LMF1: variants seen among roughly 807,000 people sequenced by gnomAD.
LMF1 encodes the protein transmembrane protein 112.
In LMF1, 68 loss-of-function variants were observed where a neutral mutation model predicts 60.6. The ratio of observed to expected loss-of-function variants is 1.12; its 90% CI spans 0.92 to 1.37. The LOEUF (loss-of-function observed/expected upper bound fraction) is 1.37, where lower values mean the gene tolerates loss of function less well. Among genes scored for constraint, LMF1 ranks in the 40% most tolerant of loss-of-function variants. LMF1 has a pLI of 0.00. For synonymous variants in LMF1, 418 were observed against 324.7 expected (o/e 1.29, Z -3.09); for missense variants, 948 against 767.2 (o/e 1.24, Z -2.78).
chr16:925,300 C>T (rs910394938), intron 3 of LMF1, among the ~76,000 whole-genome samples: 1 of 152,238 alleles, frequency 6.6e-6, no homozygotes, highest in African/African-American at 2.4e-5. Flanking sequence ...CAACAAAACA[C>T]TTCTTCAGTA....
At chr16:950,542 CAGAGTCAGCCAAT>C (rs2072423651) in intron 2 of LMF1, among the ~76,000 whole-genome samples, 1 of 113,994 alleles carries the variant, frequency 8.8e-6, no homozygotes, top group African/African-American at 4.5e-5. Context: ...GAGCCAATGA[CAGAGTCAGCCAAT>C]GACAGAGTCA....
At chr16:873,073 G>C (rs376652917) in intron 6 of LMF1, 3 of 152,270 alleles carry the variant, frequency 2.0e-5, no homozygotes, top group African/African-American at 7.2e-5. Context: ...AGAAAGCTTC[G>C]GGGCTCGGGG....
rs763350006 is a variant in LMF1 at position 869,051 on chromosome 16, G to C, written c.1422C>G (p.Tyr474Ter). 6.2e-7 allele frequency: 1 copy of C among 1,609,110 alleles called. No homozygotes were observed. Among genetic ancestry groups the C allele is most frequent in the Non-Finnish European group, 8.5e-7 (1 of 1,176,422 alleles). The change falls in exon 10 of 11, where the codon TAC becomes TAG. Residue 474 changes from tyrosine to a stop codon, truncating the protein, a stop_gained. Coordinates refer to ENST00000262301, the MANE Select transcript of LMF1 (RefSeq NM_022773.4). LOFTEE classifies it high-confidence loss of function. The part of the protein sequence containing the change: ...WLMWFAAFQT[Y>*]EHNDWIIHLA... ...GGTGGATGATCCAGTCGTTGTGCTC[G>C]TAGGTCTGGGAGGAGAGGTCGGGCT... is the stretch of plus-strand genomic sequence containing the variant.
rs540596047 is a variant in LMF1, at chr16:959,738, C to T, written c.194-5072G>A. 1.7e-4 allele frequency among the ~76,000 whole-genome samples: 26 copies of T among 152,286 alleles called. No individual in the cohort carries two copies. In the South Asian group the frequency reaches 5.4e-3, roughly 32 times the overall value. ...CCCCCGGGCCTGGGTGGACAATTCT[C>T]GCACGTGCACCAGGGCTGAGCAGAT... On this transcript the variant is annotated intron_variant, in intron 1 of 10. Coordinates refer to ENST00000262301, the MANE Select transcript of LMF1 (RefSeq NM_022773.4).
intron 2 of LMF1, chr16:952,430 C>A (rs1196264577): frequency 6.6e-6 from 1 of 152,242 alleles, no homozygotes; most frequent in Non-Finnish European, 1.5e-5. Context: ...AACACCGGAG[C>A]CACAGGCGCT....
intron 3 of LMF1, among the ~76,000 whole-genome samples, chr16:915,321 G>C (rs2071250390): frequency 6.6e-6 from 1 of 152,196 alleles, no homozygotes; most frequent in Non-Finnish European, 1.5e-5. Flanking sequence ...ACCACAGGGT[G>C]GTGCGGAGAG....
At chr16:969,979 T>C (rs561941210) in intron 1 of LMF1, among the ~76,000 whole-genome samples, 1 of 152,312 alleles carries the variant, frequency 6.6e-6, no homozygotes, top group African/African-American at 2.4e-5. Context: ...TTCTCAGAGC[T>C]CTGCTCTGTA....
At chr16:911,454 A>G (rs941943402) in intron 3 of LMF1, among the ~76,000 whole-genome samples, 2 of 151,382 alleles carry the variant, frequency 1.3e-5, no homozygotes, top group African/African-American at 4.9e-5. Flanking sequence ...TTCCCCTCCC[A>G]TAGGTTTGCA....
At chr16:968,359 G>A (rs983334026) in intron 1 of LMF1, 18 of 152,208 alleles carry the variant, frequency 1.2e-4, no homozygotes, top group African/African-American at 3.9e-4. Flanking sequence ...TTTTAACAAG[G>A]GGAGTTTCCA....
chr16:947,636 A>T, intron 2 of LMF1: 1 of 455,662 alleles, frequency 2.2e-6, no homozygotes, highest in Non-Finnish European at 4.4e-6. Context: ...GTTTCTGGAG[A>T]GGATCTTTCC....
rs769877904 is a variant in LMF1 at position 970,914 on chromosome 16, A to G, written c.67T>C (p.Ser23Pro). ...GGCGGCGACTCAGGCTCCGGATCCG[A>G]GTACCCAGTCTTCCGCCTCCTCAGC... ...ESLRRRKTGY[S>P]DPEPESPPAP... The change falls in exon 1 of 11, where the codon TCG becomes CCG. Residue 23 changes from serine to proline, a missense_variant. By Grantham distance (74) the Ser-to-Pro change is moderately conservative (BLOSUM62 -1). Coordinates refer to ENST00000262301, the MANE Select transcript of LMF1 (RefSeq NM_022773.4). The G allele has an allele frequency of 2.8e-5, 44 of 1,580,890 alleles. No individual in the cohort carries two copies. Among genetic ancestry groups the G allele is most frequent in the South Asian group, 8.1e-5 (7 of 86,860 alleles).
At chr16:876,564 C>T (rs1035768799) in intron 6 of LMF1, among the ~76,000 whole-genome samples, 2 of 152,170 alleles carry the variant, frequency 1.3e-5, no homozygotes, top group African/African-American at 2.4e-5. Context: ...ATAAGGGAAC[C>T]TTTGTAGTCT....
intron 2 of LMF1, among the ~76,000 whole-genome samples, chr16:943,810 T>A (rs1319548733): frequency 6.6e-6 from 1 of 152,114 alleles, no homozygotes; most frequent in Non-Finnish European, 1.5e-5. Flanking sequence ...AATCCTCTTT[T>A]CTACGTGTGC....
At chr16:957,797 C>T (rs1256240543) in intron 1 of LMF1, among the ~76,000 whole-genome samples, 1 of 152,120 alleles carries the variant, frequency 6.6e-6, no homozygotes, top group African/African-American at 2.4e-5. Context: ...CCCGACCCGA[C>T]ACACAGAGTG....
intron 3 of LMF1, among the ~76,000 whole-genome samples, chr16:914,411 C>T (rs900857864): frequency 5.9e-5 from 9 of 152,100 alleles, no homozygotes; most frequent in Admixed American, 4.6e-4. Flanking sequence ...GATGCTCACT[C>T]GTAGGGTCCA....
At chr16:966,057 C>A (rs6600238) in intron 1 of LMF1, among the ~76,000 whole-genome samples, 37,359 of 152,030 alleles carry the variant, frequency 0.25, 5,841 homozygotes, top group African/African-American at 0.43. Flanking sequence ...GTCAGGAGTC[C>A]ACGAGTGATG....
upstream of LMF1, among the ~76,000 whole-genome samples, chr16:971,228 C>T (rs2073046616): frequency 6.6e-6 from 1 of 152,216 alleles, no homozygotes; most frequent in South Asian, 2.1e-4. Context: ...GGGCGCGGGG[C>T]CGGGTACCTG....
At chr16:882,162 G>A (rs2151717340) in intron 5 of LMF1, among the ~76,000 whole-genome samples, 1 of 152,326 alleles carries the variant, frequency 6.6e-6, no homozygotes, top group South Asian at 2.1e-4. Context: ...AACTGCAGAT[G>A]GAGAAAAATG....
intron 4 of LMF1, among the ~76,000 whole-genome samples, chr16:896,233 C>T (rs1875611432): frequency 1.4e-5 from 2 of 147,242 alleles, no homozygotes; most frequent in Non-Finnish European, 3.0e-5. Context: ...CAGCCACCCA[C>T]ACGCAGGCTG....
Sources: allele counts gnomAD v4.1 joint callset (sites outside exome capture counted in the v4.1 genomes callset), GRCh38; gene constraint gnomAD v4.1.1; transcripts MANE v1.5; gene names NCBI Gene and HGNC (gene_info 2026-07-23, HGNC 2026-07-21).